SGCD: variants seen among roughly 807,000 people sequenced by gnomAD.
SGCD encodes delta-sarcoglycan.
In SGCD, 18 loss-of-function variants were observed where a neutral mutation model predicts 36.6. The observed-to-expected ratio is 0.49, with a 90% CI of 0.34 to 0.73. The LOEUF (loss-of-function observed/expected upper bound fraction) is 0.73, where lower values mean the gene tolerates loss of function less well. Among genes scored for constraint, SGCD ranks in the 30% least tolerant of loss-of-function variants. SGCD has a pLI of 0.01. For synonymous variants in SGCD, 133 were observed against 130.6 expected (o/e 1.02, Z -0.12); for missense variants, 387 against 346.7 (o/e 1.12, Z -0.92).
At chr5:156,423,411 ATATAT>A (rs1305100932) in intron 3 of SGCD, among the ~76,000 whole-genome samples, 6 of 62,476 alleles carry the variant, frequency 9.6e-5, no homozygotes, top group East Asian at 4.4e-4. Context: ...TTATAATATA[ATATAT>A]TATATTTTAA....
At chr5:156,056,333 T>C (rs6890777) in intron 1 of SGCD, among the ~76,000 whole-genome samples, 21,218 of 145,628 alleles carry the variant, frequency 0.15, 5,194 homozygotes, top group African/African-American at 0.45. Context: ...AGACTGCCTT[T>C]GTAGGACTAA....
intron 1 of SGCD, among the ~76,000 whole-genome samples, chr5:155,944,398 A>G (rs1757397072): frequency 6.6e-6 from 1 of 152,142 alleles, no homozygotes; most frequent in South Asian, 2.1e-4. Flanking sequence ...TGTGCTGTGC[A>G]TTTATCTGTA....
At chr5:156,261,295 C>T (rs544026639) in intron 3 of SGCD, among the ~76,000 whole-genome samples, 19 of 152,254 alleles carry the variant, frequency 1.2e-4, no homozygotes, top group African/African-American at 3.8e-4. Context: ...TTTTTAAGAA[C>T]GTACTTATTT....
intron 1 of SGCD, among the ~76,000 whole-genome samples, chr5:156,051,321 C>G (rs1759910383): frequency 6.8e-6 from 1 of 146,114 alleles, no homozygotes; most frequent in Admixed American, 6.8e-5. Context: ...CACTGCATTT[C>G]TCTTCTTCCA....
intron 7 of SGCD, among the ~76,000 whole-genome samples, chr5:156,676,313 A>C (rs914799139): frequency 1.3e-5 from 2 of 152,184 alleles, no homozygotes; most frequent in African/African-American, 4.8e-5. Context: ...TTGCTGGCCC[A>C]GACTAACCTA....
At chr5:156,484,166 A>C (rs1045980192) in intron 3 of SGCD, among the ~76,000 whole-genome samples, 1 of 152,236 alleles carries the variant, frequency 6.6e-6, no homozygotes. Context: ...CATTGTCATT[A>C]AAGAAAAGGG....
At chr5:155,860,454 A>T in the SGCD span, among the ~76,000 whole-genome samples, 1 of 152,210 alleles carries the variant, frequency 6.6e-6, no homozygotes, top group Non-Finnish European at 1.5e-5. Flanking sequence ...AGTTTTACTT[A>T]TAGTTACTTT....
chr5:156,688,775 C>T (rs1165499643), intron 7 of SGCD, among the ~76,000 whole-genome samples: 1 of 152,160 alleles, frequency 6.6e-6, no homozygotes, highest in East Asian at 1.9e-4. Flanking sequence ...GGAGAAAATC[C>T]CCAAAGGAAA....
intron 1 of SGCD, among the ~76,000 whole-genome samples, chr5:155,915,814 G>A (rs1350040542): frequency 1.3e-5 from 2 of 152,152 alleles, no homozygotes; most frequent in African/African-American, 4.8e-5. Flanking sequence ...CATTTCATAT[G>A]TGTGACATTA....
At chr5:156,395,575 T>C (rs1032234552) in intron 3 of SGCD, among the ~76,000 whole-genome samples, 1 of 152,242 alleles carries the variant, frequency 6.6e-6, no homozygotes, top group African/African-American at 2.4e-5. Flanking sequence ...TTCTGTTTTA[T>C]ATACGGTCTG....
intron 7 of SGCD, chr5:156,704,330 C>T (rs1754654027): frequency 6.6e-6 from 1 of 152,140 alleles, no homozygotes; most frequent in Non-Finnish European, 1.5e-5. Flanking sequence ...GGTCATAAGT[C>T]CCAGTCACGT....
chr5:156,508,179 G>A (rs939503952), intron 3 of SGCD, among the ~76,000 whole-genome samples: 3 of 152,234 alleles, frequency 2.0e-5, no homozygotes, highest in African/African-American at 7.2e-5. Flanking sequence ...AAACACACAC[G>A]TCCAAAGTCT....
At position 156,766,545 on chromosome 5, in the gene SGCD, C is replaced by A. The variant is rs549505546; in HGVS notation, c.*7155C>A. On this transcript the variant is annotated 3_prime_UTR_variant, in exon 9 of 9. Coordinates refer to ENST00000337851, the MANE Select transcript of SGCD (RefSeq NM_000337.6). ...CCAGTTCTTATTTTTAAAGTGGCAC[C>A]CTTTAACTTTGAACCTGTGTATTTT... is the stretch of plus-strand genomic sequence containing the variant. The A allele has an allele frequency of 2.2e-4, 33 of 148,482 alleles. No individual in the cohort carries two copies. Among genetic ancestry groups the A allele is most frequent in the African/African-American group, 8.0e-4 (32 of 39,976 alleles). 9.2% of individuals were successfully genotyped at this position (148,482 alleles called of 1,614,324 possible).
chr5:155,751,252 T>A, the SGCD span, among the ~76,000 whole-genome samples: 1 of 152,314 alleles, frequency 6.6e-6, no homozygotes, highest in South Asian at 2.1e-4. Context: ...GAGTTTTACA[T>A]TTTTGAGTTT....
intron 1 of SGCD, among the ~76,000 whole-genome samples, chr5:156,327,761 G>A (rs78707454): frequency 0.012 from 1,824 of 152,242 alleles, 107 homozygotes; most frequent in Admixed American, 0.1. Context: ...ATGTGTGTAT[G>A]GGTTTCTAAA....
chr5:156,126,751 T>A (rs1762180869), intron 3 of SGCD, among the ~76,000 whole-genome samples: 1 of 152,292 alleles, frequency 6.6e-6, no homozygotes, highest in East Asian at 1.9e-4. Context: ...AAAAGGCAAA[T>A]CAAAGTTCCA....
chr5:156,251,306 A>G (rs909861478), intron 3 of SGCD, among the ~76,000 whole-genome samples: 1 of 152,204 alleles, frequency 6.6e-6, no homozygotes, highest in Non-Finnish European at 1.5e-5. Flanking sequence ...GCCTGCTTGC[A>G]TGCAGAAGAA....
intron 4 of SGCD, among the ~76,000 whole-genome samples, chr5:156,566,462 C>G (rs1267956477): frequency 6.6e-6 from 1 of 152,176 alleles, no homozygotes; most frequent in Non-Finnish European, 1.5e-5. Context: ...CTAACTTGAG[C>G]TGAATCTACT....
At chr5:155,871,309 G>T (rs1195243117) in intron 1 of SGCD, among the ~76,000 whole-genome samples, 2 of 152,162 alleles carry the variant, frequency 1.3e-5, no homozygotes, top group Non-Finnish European at 2.9e-5. Flanking sequence ...TACCAAAACT[G>T]CAGGTTTCCA....
Sources: allele counts gnomAD v4.1 joint callset (sites outside exome capture counted in the v4.1 genomes callset), GRCh38; gene constraint gnomAD v4.1.1; transcripts MANE v1.5; gene names NCBI Gene and HGNC (gene_info 2026-07-23, HGNC 2026-07-21).